PRKCE: variants seen among roughly 807,000 people sequenced by gnomAD.
PRKCE encodes the protein protein kinase C epsilon type.
In PRKCE, 16 loss-of-function variants were observed where a neutral mutation model predicts 85.4. The ratio of observed to expected loss-of-function variants is 0.19; its 90% CI spans 0.13 to 0.28. The LOEUF is 0.28. PRKCE is among the 10% of genes least tolerant of loss of function. The pLI is 1.00. For missense variants in PRKCE, 573 were observed against 975.2 expected (o/e 0.59, Z 5.49); for synonymous variants, 388 against 371.5 (o/e 1.04, Z -0.51).
intron 1 of PRKCE, chr2:45,677,250 G>A (rs1296428665): frequency 6.6e-6 from 1 of 151,804 alleles, no homozygotes; most frequent in African/African-American, 2.4e-5. Flanking sequence ...AATCACGAGA[G>A]GCCACTTTAG....
intron 10 of PRKCE, among the ~76,000 whole-genome samples, chr2:46,059,646 A>G (rs950348653): frequency 3.9e-5 from 6 of 152,142 alleles, no homozygotes; most frequent in African/African-American, 1.4e-4. Flanking sequence ...CCATGCTTGC[A>G]CTTCTCAACA....
chr2:45,936,792 G>T (rs1267783424), intron 2 of PRKCE, among the ~76,000 whole-genome samples: 1 of 152,212 alleles, frequency 6.6e-6, no homozygotes, highest in Non-Finnish European at 1.5e-5. Context: ...TTTTCCACTG[G>T]TGTAGGGAAT....
At chr2:46,085,115 G>T (rs1669466052) in intron 10 of PRKCE, among the ~76,000 whole-genome samples, 1 of 152,078 alleles carries the variant, frequency 6.6e-6, no homozygotes, top group African/African-American at 2.4e-5. Flanking sequence ...AGCACCCTAG[G>T]AGCTTAGAAT....
At chr2:45,959,137 T>G (rs920128954) in intron 2 of PRKCE, among the ~76,000 whole-genome samples, 1 of 151,996 alleles carries the variant, frequency 6.6e-6, no homozygotes, top group Admixed American at 6.6e-5. Context: ...GCTTTTAAAA[T>G]GCACCGTGCT....
rs141291838 is a variant in PRKCE, at chr2:45,907,602, T to G, written c.412+64539T>G. On this transcript the variant is annotated intron_variant, in intron 2 of 14. Transcript: ENST00000306156. This position sits in a 1 kb window ranked among gnomAD's most constrained non-coding sequence, Gnocchi z 4.5. ...TGCTTCCCATGTCACGTGTGTCATT[T>G]TCCCAGTGCCAATCATCGTGGTCCG... Among the ~76,000 whole-genome samples, 302 of 152,330 alleles carry G rather than the reference T, an allele frequency of 2.0e-3. 1 individual carries two copies. The highest frequency in any genetic ancestry group is 6.9e-3 in the African/African-American group (286 of 41,566).
At chr2:45,990,618 A>G (rs1207260255) in intron 6 of PRKCE, among the ~76,000 whole-genome samples, 2 of 151,306 alleles carry the variant, frequency 1.3e-5, no homozygotes, top group Admixed American at 6.6e-5. Flanking sequence ...TTTTTTTTCT[A>G]ACATAGCACT....
At chr2:45,988,206 C>G (rs1703492870) in intron 6 of PRKCE, among the ~76,000 whole-genome samples, 1 of 152,170 alleles carries the variant, frequency 6.6e-6, no homozygotes, top group Non-Finnish European at 1.5e-5. Context: ...GGCCTGCTGC[C>G]CTATGGCTTC....
At chr2:45,740,147 C>CA (rs34143359) in intron 1 of PRKCE, among the ~76,000 whole-genome samples, 4,806 of 135,720 alleles carry the variant, frequency 0.035, 219 homozygotes, top group African/African-American at 0.083. Flanking sequence ...GACCCCATCT[C>CA]AAAAAAAAAA....
intron 10 of PRKCE, among the ~76,000 whole-genome samples, chr2:46,057,049 C>T (rs969732747): frequency 2.0e-5 from 3 of 152,250 alleles, no homozygotes; most frequent in Admixed American, 6.5e-5. Context: ...GCATCTCTCT[C>T]TCTCTATGGA....
At chr2:46,022,605 C>T (rs563087214) in intron 10 of PRKCE, among the ~76,000 whole-genome samples, 19 of 152,364 alleles carry the variant, frequency 1.2e-4, no homozygotes, top group African/African-American at 4.1e-4. Flanking sequence ...TGATCAAAGC[C>T]TCTGTGTTCA....
At chr2:45,788,208 G>T (rs1269269006) in intron 1 of PRKCE, among the ~76,000 whole-genome samples, 2 of 152,160 alleles carry the variant, frequency 1.3e-5, no homozygotes, top group Non-Finnish European at 2.9e-5. Context: ...AATAGCTAAA[G>T]GCGTATTCCT....
intron 10 of PRKCE, among the ~76,000 whole-genome samples, chr2:46,049,204 C>T (rs1708710335): frequency 6.6e-6 from 1 of 152,140 alleles, no homozygotes; most frequent in Admixed American, 6.5e-5. Context: ...TTAGCGCAAC[C>T]CTCATCCTAT....
intron 2 of PRKCE, among the ~76,000 whole-genome samples, chr2:45,921,214 C>T (rs892448117): frequency 5.3e-5 from 8 of 152,210 alleles, no homozygotes; most frequent in African/African-American, 1.9e-4. Flanking sequence ...CCAAGCCCCT[C>T]GTAGAATTCC....
At chr2:46,123,428 T>C (rs1425273925) in intron 11 of PRKCE, among the ~76,000 whole-genome samples, 1 of 152,086 alleles carries the variant, frequency 6.6e-6, no homozygotes, top group East Asian at 1.9e-4. Context: ...TGATTTGTCG[T>C]GTTTACTCTT....
intron 1 of PRKCE, among the ~76,000 whole-genome samples, chr2:45,689,810 C>A (rs913567265): frequency 2.7e-5 from 4 of 150,936 alleles, no homozygotes; most frequent in Non-Finnish European, 5.9e-5. Flanking sequence ...GCAGGAGAAT[C>A]ACTTGAACCT....
At chr2:46,043,318 C>T (rs1012911092) in intron 10 of PRKCE, among the ~76,000 whole-genome samples, 1 of 152,090 alleles carries the variant, frequency 6.6e-6, no homozygotes, top group African/African-American at 2.4e-5. Context: ...ACTCAGAGCT[C>T]GTTTGGACTT....
rs552161849 is a variant in PRKCE, at chr2:46,184,806, C to T, written c.2139C>T (p.Asp713=). Residue 713 remains aspartate (D), a synonymous_variant, in exon 15 of 15, where the codon GAC becomes GAT. Coordinates refer to ENST00000306156, the MANE Select transcript of PRKCE (RefSeq NM_005400.3). This position sits in a 1 kb window ranked among gnomAD's most constrained non-coding sequence, Gnocchi z 5.0. The part of the protein sequence containing the change: ...TREEPVLTLV[D]EAIVKQINQE... ...AAGAGCCGGTACTCACCCTTGTGGA[C>T]GAAGCAATTGTAAAGCAGATCAACC... 40 of 1,599,722 alleles carry T rather than the reference C, an allele frequency of 2.5e-5. No homozygotes were observed. The highest frequency in any genetic ancestry group is 4.5e-5 in the East Asian group (2 of 44,884).
At chr2:46,097,914 G>C (rs965600842) in intron 11 of PRKCE, among the ~76,000 whole-genome samples, 4 of 152,222 alleles carry the variant, frequency 2.6e-5, no homozygotes, top group Admixed American at 2.6e-4. Flanking sequence ...GGGAGGAGGA[G>C]AGAGGAGAGC....
Position 45,695,041 on chromosome 2 carries a change from G to C in PRKCE, c.348+42593G>C, listed in dbSNP as rs755552468. Reference sequence around the variant, plus strand: ...TGCATTGGTCCTGCCCTCTGCCCCTGTGAGACACATACAAGGTGGCAGTTC... The same window carrying C: ...TGCATTGGTCCTGCCCTCTGCCCCTCTGAGACACATACAAGGTGGCAGTTC... On this transcript the variant is annotated intron_variant, in intron 1 of 14. Coordinates refer to ENST00000306156, the MANE Select transcript of PRKCE (RefSeq NM_005400.3). 5.3e-5 allele frequency among the ~76,000 whole-genome samples: 8 copies of C among 152,296 alleles called. 1 individual carries two copies. The highest frequency in any genetic ancestry group is 3.9e-4 in the Admixed American group (6 of 15,302).
Sources: gnomAD v4.1 joint callset for allele counts (sites outside exome capture counted in the v4.1 genomes callset) on GRCh38, gnomAD v4.1.1 for gene constraint, Gnocchi (gnomAD v3.1) non-coding constraint, MANE v1.5 for transcripts, NCBI Gene and HGNC (gene_info 2026-07-23, HGNC 2026-07-21) for gene names.